MMAA: variants seen among roughly 807,000 people sequenced by gnomAD.
MMAA encodes metabolism of cobalamin associated A.
A neutral mutation model predicts 45.0 loss-of-function variants in MMAA; 41 were observed. The observed-to-expected ratio is 0.91, with a 90% CI of 0.71 to 1.18. The LOEUF (loss-of-function observed/expected upper bound fraction) is 1.18, where lower values mean the gene tolerates loss of function less well. MMAA is among the 50% of genes most tolerant of loss of function. MMAA has a pLI of 0.00. For synonymous variants in MMAA, 154 were observed against 178.2 expected, an observed-to-expected ratio of 0.86 and a Z score of 1.08; for missense variants, 460 against 495.7, an observed-to-expected ratio of 0.93 and a Z score of 0.68.
intron 1 of MMAA, among the ~76,000 whole-genome samples, chr4:145,637,254 T>C (rs1000850210): frequency 6.6e-6 from 1 of 152,208 alleles, no homozygotes; most frequent in Non-Finnish European, 1.5e-5. Context: ...GAATTGTGCT[T>C]AAAGGTGGTA....
In MMAA at chr4:145,639,107, C is replaced by G; in HGVS notation, c.-33C>G. On this transcript the variant is annotated 5_prime_UTR_variant, in exon 2 of 7. The change creates a new upstream start codon in the 5' untranslated region. Coordinates refer to ENST00000649156, the MANE Select transcript of MMAA (RefSeq NM_172250.3). ...ACAATCACATTGAGCCAAAACGCAT[C>G]CAGTGTTTTCTCCAGTTACAAATAA... 1 of 1,605,020 alleles carries G rather than the reference C, an allele frequency of 6.2e-7. No individual in the cohort carries two copies. Among genetic ancestry groups the G allele is most frequent in the Non-Finnish European group, 8.5e-7 (1 of 1,171,762 alleles).
intron 1 of MMAA, chr4:145,626,180 C>G: frequency 2.1e-6 from 1 of 478,854 alleles, no homozygotes; most frequent in Non-Finnish European, 3.7e-6. Context: ...CATGAGAAAG[C>G]AGGAAAAGAT....
At chr4:145,623,791 C>T (rs1734137568) in intron 1 of MMAA, among the ~76,000 whole-genome samples, 1 of 152,174 alleles carries the variant, frequency 6.6e-6, no homozygotes, top group Non-Finnish European at 1.5e-5. Context: ...ACTTCGATTA[C>T]AGAAATATTT....
rs1465239746 is a variant in MMAA, at chr4:145,656,542, TAA to T, written c.*1109_*1110del. 187 of 152,328 alleles carry T rather than the reference TAA, an allele frequency of 1.2e-3. No homozygotes were observed. Among genetic ancestry groups the T allele is most frequent in the African/African-American group, 4.2e-3 (174 of 41,576 alleles). The allele number at this position is 152,328 out of a possible 1,614,324, so 9.4% of individuals were successfully genotyped here. A position where few individuals can be genotyped will look rare whatever the true frequency, so the allele number is the denominator to read the frequency against. On this transcript the variant is annotated 3_prime_UTR_variant, in exon 7 of 7. Transcript: ENST00000649156. ...ATCTTGAAACTACAAACCTGATGTA[TAA>T]TTTCAGTTTTCTCTCATGGTCTTGT...
chr4:145,637,575 A>C (rs1256905033), intron 1 of MMAA, among the ~76,000 whole-genome samples: 1 of 152,142 alleles, frequency 6.6e-6, no homozygotes, highest in Non-Finnish European at 1.5e-5. Flanking sequence ...AGCTAAAATT[A>C]ATTTCATGTT....
At chr4:145,631,226 G>C (rs924770992) in intron 1 of MMAA, among the ~76,000 whole-genome samples, 1 of 152,206 alleles carries the variant, frequency 6.6e-6, no homozygotes, top group Non-Finnish European at 1.5e-5. Context: ...TGGAAGATAT[G>C]TCCAATACTG....
intron 3 of MMAA, 58 bp from the exon 4 acceptor site, chr4:145,645,928 G>T: frequency 6.4e-7 from 1 of 1,560,836 alleles, no homozygotes. Flanking sequence ...CTAGGAACTG[G>T]CTGATAATTG....
In MMAA at chr4:145,625,177, GA is replaced by G. The variant is rs1734176263; in HGVS notation, c.-66+5773del. 7.0e-6 allele frequency: 10 copies of G among 1,422,076 alleles called. No homozygotes were observed. In the Admixed American group the frequency reaches 1.7e-4, roughly 24 times the overall value. The allele number at this position is 1,422,076 out of a possible 1,614,324, so 88.1% of individuals were successfully genotyped here. ...CTTCAACCTTTTCCATTTCAATGGA[GA>G]AAGAACTAGTAGTGGAATGGCTGTT... On this transcript the variant is annotated intron_variant, in intron 1 of 6. Coordinates refer to ENST00000649156, the MANE Select transcript of MMAA (RefSeq NM_172250.3).
intron 1 of MMAA, chr4:145,625,974 C>G: frequency 5.8e-6 from 9 of 1,540,408 alleles, no homozygotes; most frequent in South Asian, 1.1e-5. Flanking sequence ...CCGTGCATCA[C>G]TACCCCTCAA....
chr4:145,621,879 C>G (rs1045588344), intron 1 of MMAA, among the ~76,000 whole-genome samples: 10 of 152,032 alleles, frequency 6.6e-5, no homozygotes, highest in Non-Finnish European at 1.2e-4. Context: ...AGGAAAATAT[C>G]CATATATTGA....
intron 4 of MMAA, 131 bp downstream of exon 4, chr4:145,646,287 T>G: frequency 1.0e-6 from 1 of 1,002,744 alleles, no homozygotes; most frequent in East Asian, 2.5e-5. Flanking sequence ...TATCCCATAC[T>G]CCCTAGAAGA....
intron 1 of MMAA, among the ~76,000 whole-genome samples, chr4:145,626,488 C>G (rs916711754): frequency 6.6e-6 from 1 of 152,132 alleles, no homozygotes; most frequent in Non-Finnish European, 1.5e-5. Flanking sequence ...TCGAGATCTA[C>G]TGATAAAAAC....
chr4:145,632,298 C>G (rs1235550639), intron 1 of MMAA, among the ~76,000 whole-genome samples: 1 of 152,108 alleles, frequency 6.6e-6, no homozygotes, highest in Non-Finnish European at 1.5e-5. Context: ...GTTTTTTTCC[C>G]TTCAGCACTT....
chr4:145,634,888 C>T (rs374899966), intron 1 of MMAA, among the ~76,000 whole-genome samples: 1 of 151,956 alleles, frequency 6.6e-6, no homozygotes, highest in Non-Finnish European at 1.5e-5. Flanking sequence ...ATGACTCTAA[C>T]TGGTGCCCCA....
intron 1 of MMAA, among the ~76,000 whole-genome samples, chr4:145,637,273 G>T (rs1378419677): frequency 6.6e-6 from 1 of 152,212 alleles, no homozygotes; most frequent in Non-Finnish European, 1.5e-5. Flanking sequence ...TATTGAAAGA[G>T]AGCTTCCAAA....
At chr4:145,636,492 C>G (rs1163838360) in intron 1 of MMAA, among the ~76,000 whole-genome samples, 1 of 152,160 alleles carries the variant, frequency 6.6e-6, no homozygotes, top group Non-Finnish European at 1.5e-5. Flanking sequence ...ATTTCTTGAC[C>G]TCAGTTTACC....
rs1324647394 is a variant in MMAA at position 145,658,286 on chromosome 4, A to T, written c.*2852A>T. ...ACAGCCTAATACAGGTGCTAAATAC[A>T]TATCTGACAATAAATGGTAGTTATC... On this transcript the variant is annotated 3_prime_UTR_variant, in exon 7 of 7. Transcript: ENST00000649156. 6.6e-6 allele frequency: 1 copy of T among 152,160 alleles called. No individual in the cohort carries two copies. The highest frequency in any genetic ancestry group is 2.1e-4 in the South Asian group (1 of 4,832). 9.4% of individuals were successfully genotyped at this position (152,160 alleles called of 1,614,324 possible). A position where few individuals can be genotyped will look rare whatever the true frequency, so the allele number is the denominator to read the frequency against.
intron 1 of MMAA, among the ~76,000 whole-genome samples, chr4:145,628,523 C>T (rs1734250872): frequency 6.6e-6 from 1 of 152,188 alleles, no homozygotes; most frequent in Non-Finnish European, 1.5e-5. Flanking sequence ...ATTGAATCCT[C>T]ACATGATGTC....
Position 145,655,526 on chromosome 4 carries a change from T to A in MMAA, c.*92T>A, listed in dbSNP as rs1271250334. On this transcript the variant is annotated 3_prime_UTR_variant, in exon 7 of 7. Transcript: ENST00000649156. ...GTATGCTTATATTTTCAGTAATTAT[T>A]GTATGGTGCTCTTGTCTTCTTTGTT... 2 of 1,195,608 alleles carry A rather than the reference T, an allele frequency of 1.7e-6. No homozygotes were observed. Among genetic ancestry groups the A allele is most frequent in the African/African-American group, 3.1e-5 (2 of 64,492 alleles). 74.1% of individuals were successfully genotyped at this position (1,195,608 alleles called of 1,614,324 possible).
Sources: allele counts gnomAD v4.1 joint callset (sites outside exome capture counted in the v4.1 genomes callset), GRCh38; gene constraint gnomAD v4.1.1; transcripts MANE v1.5; gene names NCBI Gene and HGNC (gene_info 2026-07-23, HGNC 2026-07-21).